The following ATRNL1 variants were observed in gnomAD, a reference collection of about 807,000 sequenced individuals.
The protein encoded by ATRNL1 is attractin-like protein 1.
Under a neutral mutation model 182.7 loss-of-function variants are expected in ATRNL1, and 95 were observed. The ratio of observed to expected loss-of-function variants is 0.52; its 90% CI spans 0.44 to 0.62. The LOEUF is 0.62. ATRNL1 is among the 20% of genes least tolerant of loss of function. The pLI is 0.00. For synonymous variants in ATRNL1, 576 were observed against 568.3 expected, an observed-to-expected ratio of 1.01 and a Z score of -0.19; for missense variants, 1,471 against 1,679.5, an observed-to-expected ratio of 0.88 and a Z score of 2.17.
chr10:115,125,241 C>G (rs1226022585), intron 3 of ATRNL1, among the ~76,000 whole-genome samples: 1 of 152,118 alleles, frequency 6.6e-6, no homozygotes, highest in East Asian at 1.9e-4. Flanking sequence ...ATTTAATCCT[C>G]AAAATAACCT....
At position 115,718,005 on chromosome 10, in the gene ATRNL1, G is replaced by A. The variant is rs114692811; in HGVS notation, c.3796-9243G>A. 4.3e-3 allele frequency among the ~76,000 whole-genome samples: 654 copies of A among 152,234 alleles called. 3 individuals are homozygous for A. Among genetic ancestry groups the A allele is most frequent in the African/African-American group, 0.015 (612 of 41,544 alleles). The stretch of plus-strand genomic sequence containing the variant: ...TGTGGGCTGAAGCACTGAAAAGTCC[G>A]TACACGATTCACTAGTCCTTTTTCT... On this transcript the variant is annotated intron_variant, in intron 26 of 28. Transcript: ENST00000355044.
chr10:115,438,283 G>A (rs1031541933), intron 21 of ATRNL1, among the ~76,000 whole-genome samples: 6 of 151,814 alleles, frequency 4.0e-5, no homozygotes, highest in Non-Finnish European at 8.8e-5. Flanking sequence ...GATATTTCCA[G>A]TATACACCTT....
At chr10:115,929,873 T>G (rs1336520418) in intron 28 of ATRNL1, among the ~76,000 whole-genome samples, 1 of 152,162 alleles carries the variant, frequency 6.6e-6, no homozygotes, top group African/African-American at 2.4e-5. Flanking sequence ...CATGTTTTTT[T>G]CTAAGTTCAC....
At chr10:115,516,172 A>G (rs12260136) in intron 24 of ATRNL1, among the ~76,000 whole-genome samples, 7,117 of 151,910 alleles carry the variant, frequency 0.047, 593 homozygotes, top group African/African-American at 0.16. Context: ...AACATATTCT[A>G]AGTAAGTTTT....
At chr10:115,481,993 T>G (rs1848792622) in intron 24 of ATRNL1, among the ~76,000 whole-genome samples, 1 of 151,004 alleles carries the variant, frequency 6.6e-6, no homozygotes, top group South Asian at 2.1e-4. Flanking sequence ...TGTGAGCTAC[T>G]GATACCTTTA....
intron 10 of ATRNL1, among the ~76,000 whole-genome samples, chr10:115,261,133 T>C (rs1162135691): frequency 6.6e-6 from 1 of 152,050 alleles, no homozygotes; most frequent in Middle Eastern, 3.2e-3. Flanking sequence ...ATCATGAGAC[T>C]TGATAGCATA....
chr10:115,661,135 A>G (rs1345934563), intron 26 of ATRNL1, among the ~76,000 whole-genome samples: 2 of 152,068 alleles, frequency 1.3e-5, no homozygotes, highest in African/African-American at 4.8e-5. Flanking sequence ...GGGATCTTCT[A>G]TATTTTAGTT....
Position 115,181,418 on chromosome 10 carries a change from AAG to A in ATRNL1, c.1348+10128_1348+10129del, listed in dbSNP as rs1207376469. ...TTCTGAGCAGGCCTAACTATTTGCG[AAG>A]ACTATTATTTTATACATTTTATTCT... On this transcript the variant is annotated intron_variant, in intron 8 of 28. Transcript: ENST00000355044. 5.9e-5 allele frequency among the ~76,000 whole-genome samples: 9 copies of A among 151,902 alleles called. No homozygotes were observed. In the East Asian group the frequency reaches 1.5e-3, roughly 26 times the overall value.
chr10:115,901,996 T>A (rs903274851), intron 28 of ATRNL1, among the ~76,000 whole-genome samples: 9 of 152,122 alleles, frequency 5.9e-5, no homozygotes, highest in Non-Finnish European at 1.2e-4. Flanking sequence ...ATAGGGTAAA[T>A]TATGTTTTCT....
chr10:115,144,889 A>G (rs1845907588), intron 5 of ATRNL1, among the ~76,000 whole-genome samples: 1 of 139,656 alleles, frequency 7.2e-6, no homozygotes, highest in South Asian at 2.3e-4. Context: ...TTCTGTTTGC[A>G]ATGAGGTTCA....
chr10:115,566,854 G>A (rs542962296), intron 26 of ATRNL1, among the ~76,000 whole-genome samples: 18 of 152,220 alleles, frequency 1.2e-4, no homozygotes, highest in African/African-American at 3.6e-4. Flanking sequence ...TGTGGCTGTA[G>A]TTATTCTGCC....
At chr10:115,745,805 T>C (rs1297467135) in intron 27 of ATRNL1, among the ~76,000 whole-genome samples, 2 of 152,154 alleles carry the variant, frequency 1.3e-5, no homozygotes, top group African/African-American at 4.8e-5. Context: ...TACCCATTTA[T>C]AGGTATGCAT....
chr10:115,371,630 A>G (rs782005222), intron 19 of ATRNL1, among the ~76,000 whole-genome samples: 2 of 152,094 alleles, frequency 1.3e-5, no homozygotes, highest in Non-Finnish European at 2.9e-5. Context: ...CTGTACCCCC[A>G]TTGTATCTAG....
intron 19 of ATRNL1, among the ~76,000 whole-genome samples, chr10:115,388,824 A>G (rs1554953377): frequency 6.6e-6 from 1 of 151,948 alleles, no homozygotes; most frequent in African/African-American, 2.4e-5. Context: ...TTTAATTTTA[A>G]TTGACAAATA....
chr10:115,596,479 A>G (rs1197395036), intron 26 of ATRNL1, among the ~76,000 whole-genome samples: 2 of 152,222 alleles, frequency 1.3e-5, no homozygotes, highest in Non-Finnish European at 2.9e-5. Flanking sequence ...ACAATTTTCA[A>G]CTTATGGTAA....
intron 21 of ATRNL1, among the ~76,000 whole-genome samples, chr10:115,449,342 A>T (rs10885715): frequency 0.22 from 33,514 of 151,552 alleles, 4,610 homozygotes; most frequent in Non-Finnish European, 0.31. Flanking sequence ...GGAGAGCAAG[A>T]CTCCGGGGAA....
At chr10:115,414,463 C>G (rs1845292020) in intron 20 of ATRNL1, among the ~76,000 whole-genome samples, 1 of 151,374 alleles carries the variant, frequency 6.6e-6, no homozygotes, top group Non-Finnish European at 1.5e-5. Context: ...TTATTAGGCT[C>G]TTATTTCTAC....
At chr10:115,470,777 A>T (rs1848272856) in intron 24 of ATRNL1, among the ~76,000 whole-genome samples, 1 of 150,656 alleles carries the variant, frequency 6.6e-6, no homozygotes, top group South Asian at 2.1e-4. Flanking sequence ...TACAGTGTGG[A>T]AAATAATTGA....
intron 28 of ATRNL1, among the ~76,000 whole-genome samples, chr10:115,878,372 A>G (rs1555107721): frequency 6.6e-6 from 1 of 152,238 alleles, no homozygotes; most frequent in Non-Finnish European, 1.5e-5. Flanking sequence ...CTCCCAGGAA[A>G]TAAATAGATT....
Sources: allele counts gnomAD v4.1 joint callset (sites outside exome capture counted in the v4.1 genomes callset), GRCh38; gene constraint gnomAD v4.1.1; transcripts MANE v1.5; gene names NCBI Gene and HGNC (gene_info 2026-07-23, HGNC 2026-07-21).